Variants in CAMTA1 observed in about 807,000 individuals in gnomAD.
The protein encoded by CAMTA1 is calmodulin binding transcription activator 1.
Under a neutral mutation model 170.9 loss-of-function variants are expected in CAMTA1, and 27 were observed. The observed-to-expected ratio is 0.16, with a 90% CI of 0.12 to 0.22. The LOEUF is 0.22. CAMTA1 is among the 10% of genes least tolerant of loss of function. CAMTA1 has a pLI of 1.00. For synonymous variants in CAMTA1, 833 were observed against 891.5 expected (o/e 0.93, Z 1.17); for missense variants, 1,619 against 2,217.2 (o/e 0.73, Z 5.42).
chr1:7,671,063 C>T, intron 10 of CAMTA1, 26 bp downstream of exon 10: 1 of 1,611,024 alleles, frequency 6.2e-7, no homozygotes, highest in Non-Finnish European at 8.5e-7. Context: ...CCCAGGCCCC[C>T]AAGGTGAGTG....
chr1:7,183,884 CAG>C (rs749811768), intron 4 of CAMTA1, among the ~76,000 whole-genome samples: 3 of 152,152 alleles, frequency 2.0e-5, no homozygotes, highest in Admixed American at 1.3e-4. Flanking sequence ...TGTACCTAAA[CAG>C]AGCTGTTAAA....
chr1:7,539,794 T>C lies in CAMTA1; in HGVS notation c.510+71893T>C, dbSNP rs1278240777. 2.0e-5 allele frequency among the ~76,000 whole-genome samples: 3 copies of C among 152,158 alleles called. No homozygotes were observed. In the East Asian group the frequency reaches 5.8e-4, roughly 29 times the overall value. On this transcript the variant is annotated intron_variant, in intron 6 of 22. Coordinates refer to ENST00000303635, the MANE Select transcript of CAMTA1 (RefSeq NM_015215.4). ...GCAGGGCCAGACGGCAGGGCCAACG[T>C]GGAAGGTGCCTGCAGAGACAGCATG... is the stretch of plus-strand genomic sequence containing the variant.
intron 3 of CAMTA1, among the ~76,000 whole-genome samples, chr1:6,938,299 G>C (rs1297295683): frequency 1.3e-5 from 2 of 152,176 alleles, no homozygotes; most frequent in African/African-American, 4.8e-5. Flanking sequence ...ACCCCCCTCA[G>C]CTCTGGGGAC....
chr1:7,735,625 G>A (rs3135419), intron 12 of CAMTA1, among the ~76,000 whole-genome samples: 7,691 of 152,064 alleles, frequency 0.051, 280 homozygotes, highest in Non-Finnish European at 0.074. Context: ...AAGACGAATC[G>A]GCATGAAGTT....
intron 4 of CAMTA1, among the ~76,000 whole-genome samples, chr1:7,095,016 G>A (rs1212048800): frequency 6.6e-6 from 1 of 152,012 alleles, no homozygotes; most frequent in Non-Finnish European, 1.5e-5. Context: ...TTCTCGGGGA[G>A]GTGTCCCTGG....
intron 4 of CAMTA1, among the ~76,000 whole-genome samples, chr1:7,097,574 GGACA>G (rs1371618251): frequency 1.3e-5 from 2 of 152,316 alleles, no homozygotes; most frequent in African/African-American, 4.8e-5. Context: ...CTGCTCTTTG[GGACA>G]GACAGAGGAC....
chr1:7,448,496 T>C (rs576317750), intron 5 of CAMTA1, among the ~76,000 whole-genome samples: 6 of 152,246 alleles, frequency 3.9e-5, no homozygotes, highest in African/African-American at 1.4e-4. Context: ...CCAGCCCTCC[T>C]TGTGGGTGGG....
At chr1:6,892,786 T>C (rs17030032) in intron 3 of CAMTA1, among the ~76,000 whole-genome samples, 10,650 of 152,054 alleles carry the variant, frequency 0.07, 417 homozygotes, top group African/African-American at 0.1. Flanking sequence ...TCAGAGGAGC[T>C]CATGTGCTGG....
intron 6 of CAMTA1, among the ~76,000 whole-genome samples, chr1:7,490,686 A>G (rs1215752996): frequency 6.7e-6 from 1 of 150,034 alleles, no homozygotes; most frequent in African/African-American, 2.4e-5. Context: ...CCCCTCTGCC[A>G]GGGAGTGGCC....
chr1:6,931,175 C>A (rs1485431612), intron 3 of CAMTA1, among the ~76,000 whole-genome samples: 1 of 152,148 alleles, frequency 6.6e-6, no homozygotes, highest in Non-Finnish European at 1.5e-5. Flanking sequence ...GGGCTGGGCA[C>A]CCCTAGGGAG....
At chr1:7,632,471 C>T (rs934146757) in intron 6 of CAMTA1, among the ~76,000 whole-genome samples, 3 of 152,234 alleles carry the variant, frequency 2.0e-5, no homozygotes, top group Admixed American at 6.5e-5. Context: ...GAACGCCATG[C>T]CACTCTGATT....
At chr1:7,095,770 G>A (rs2148183745) in intron 4 of CAMTA1, among the ~76,000 whole-genome samples, 1 of 152,370 alleles carries the variant, frequency 6.6e-6, no homozygotes, top group South Asian at 2.1e-4. Context: ...TAGCCCCCCA[G>A]TCACAGGCAG....
intron 3 of CAMTA1, among the ~76,000 whole-genome samples, chr1:6,895,288 G>A (rs543924355): frequency 1.3e-5 from 2 of 152,300 alleles, no homozygotes; most frequent in African/African-American, 4.8e-5. Flanking sequence ...TCTCAGGCCT[G>A]TCCTTGATTC....
Position 7,201,478 on chromosome 1 carries a change from G to A in CAMTA1, c.303-48013G>A, listed in dbSNP as rs183473453. Among the ~76,000 whole-genome samples, 789 of 152,196 alleles carry A rather than the reference G, an allele frequency of 5.2e-3. 15 individuals are homozygous for A. Among genetic ancestry groups the A allele is most frequent in the Admixed American group, 0.039 (599 of 15,286 alleles). On this transcript the variant is annotated intron_variant, in intron 4 of 22. Transcript: ENST00000303635. ...TGTTAGACCTAGACCATTTTCCACA[G>A]TGGCCACACCAATTTACATTCTTAC...
At chr1:6,995,770 G>C (rs1697161642) in intron 3 of CAMTA1, among the ~76,000 whole-genome samples, 2 of 152,136 alleles carry the variant, frequency 1.3e-5, no homozygotes, top group Admixed American at 1.3e-4. Flanking sequence ...AGAGCACCAG[G>C]AGTGGTCAGA....
chr1:7,209,268 A>T (rs1658329323), intron 4 of CAMTA1, among the ~76,000 whole-genome samples: 1 of 152,164 alleles, frequency 6.6e-6, no homozygotes, highest in Non-Finnish European at 1.5e-5. Flanking sequence ...TGTCTTCTTG[A>T]TAGGATTAGT....
At chr1:7,241,159 C>T (rs1455053637) in intron 4 of CAMTA1, among the ~76,000 whole-genome samples, 1 of 152,008 alleles carries the variant, frequency 6.6e-6, no homozygotes, top group Non-Finnish European at 1.5e-5. Flanking sequence ...ATGAACAATC[C>T]AAAAATAAAT....
At chr1:6,822,827 AAC>A (rs1264070849) in intron 2 of CAMTA1, among the ~76,000 whole-genome samples, 1 of 130,436 alleles carries the variant, frequency 7.7e-6, no homozygotes, top group Non-Finnish European at 1.7e-5. Flanking sequence ...CACACACACA[AAC>A]ACACACACAC....
intron 5 of CAMTA1, among the ~76,000 whole-genome samples, chr1:7,361,771 A>T (rs1485198470): frequency 6.6e-6 from 1 of 152,158 alleles, no homozygotes; most frequent in Non-Finnish European, 1.5e-5. Flanking sequence ...CTTGGTGGGG[A>T]TTATCCCGAC....
Sources: allele counts gnomAD v4.1 joint callset (sites outside exome capture counted in the v4.1 genomes callset), GRCh38; gene constraint gnomAD v4.1.1; transcripts MANE v1.5; gene names NCBI Gene and HGNC (gene_info 2026-07-23, HGNC 2026-07-21).